The following LPP variants were observed in gnomAD, a reference collection of about 807,000 sequenced individuals.
LPP encodes the protein LIM domain containing preferred translocation partner in lipoma, also known as lipoma-preferred partner.
In LPP, 38 loss-of-function variants were observed where a neutral mutation model predicts 60.4. The observed-to-expected ratio is 0.63, with a 90% CI of 0.49 to 0.83. The LOEUF (loss-of-function observed/expected upper bound fraction) is 0.83, where lower values mean the gene tolerates loss of function less well. LPP is among the 40% of genes least tolerant of loss of function. LPP has a pLI of 0.00. For missense variants in LPP, 902 were observed against 783.6 expected, an observed-to-expected ratio of 1.15 and a Z score of -1.80; for synonymous variants, 328 against 290.8, an observed-to-expected ratio of 1.13 and a Z score of -1.30.
At chr3:188,303,022 C>A (rs1750419088) in intron 2 of LPP, among the ~76,000 whole-genome samples, 1 of 152,116 alleles carries the variant, frequency 6.6e-6, no homozygotes, top group South Asian at 2.1e-4. Context: ...CTGTTTTATT[C>A]TTTAAGCATG....
chr3:188,211,385 G>A (rs989250046), intron 1 of LPP, among the ~76,000 whole-genome samples: 2 of 152,070 alleles, frequency 1.3e-5, no homozygotes, highest in Admixed American at 6.5e-5. Flanking sequence ...GGACTCATCT[G>A]ACCTCCAGAA....
At chr3:188,663,613 A>G (rs1248266060) in intron 7 of LPP, among the ~76,000 whole-genome samples, 1 of 152,170 alleles carries the variant, frequency 6.6e-6, no homozygotes, top group East Asian at 1.9e-4. Context: ...ATGCTGTGTT[A>G]CCATCTTCTG....
At chr3:188,174,701 G>A (rs1722568456) in intron 1 of LPP, among the ~76,000 whole-genome samples, 2 of 152,196 alleles carry the variant, frequency 1.3e-5, no homozygotes, top group African/African-American at 2.4e-5. Flanking sequence ...CCTCACTCTT[G>A]TCTTTGTTGC....
At chr3:188,433,012 A>G (rs1791330335) in intron 4 of LPP, among the ~76,000 whole-genome samples, 1 of 152,198 alleles carries the variant, frequency 6.6e-6, no homozygotes, top group Admixed American at 6.5e-5. Flanking sequence ...TATGTACACC[A>G]GAAAAACGAG....
intron 6 of LPP, among the ~76,000 whole-genome samples, chr3:188,534,713 T>C (rs1303430987): frequency 2.0e-5 from 3 of 152,252 alleles, no homozygotes; most frequent in African/African-American, 7.2e-5. Flanking sequence ...GTCATTGTTT[T>C]GTCCATTTTG....
intron 7 of LPP, among the ~76,000 whole-genome samples, chr3:188,676,806 G>A (rs1858215723): frequency 6.6e-6 from 1 of 152,128 alleles, no homozygotes; most frequent in Non-Finnish European, 1.5e-5. Context: ...GTGTGGGAGG[G>A]ACCTATGATT....
chr3:188,353,394 A>C (rs868063467), intron 3 of LPP, among the ~76,000 whole-genome samples: 37 of 152,290 alleles, frequency 2.4e-4, no homozygotes, highest in Middle Eastern at 3.4e-3. Context: ...TTGTGGAAAA[A>C]TGTTCTCACC....
At chr3:188,518,052 C>T (rs1208023415) in intron 5 of LPP, among the ~76,000 whole-genome samples, 1 of 152,114 alleles carries the variant, frequency 6.6e-6, no homozygotes, top group African/African-American at 2.4e-5. Flanking sequence ...TTCTGAGGCC[C>T]TCACCAGAAG....
chr3:188,885,498 A>G lies in LPP; in HGVS notation c.*11019A>G, dbSNP rs1048869810. On this transcript the variant is annotated 3_prime_UTR_variant, in exon 12 of 12. Transcript: ENST00000617246. ...CAGACTAGAAAAGTGCCTCACCTCC[A>G]TGGTGTATATGTGCCACCTTTTCTT... 2.2e-5 allele frequency: 4 copies of G among 182,534 alleles called. No homozygotes were observed. Among genetic ancestry groups the G allele is most frequent in the African/African-American group, 9.4e-5 (4 of 42,464 alleles). 11.3% of individuals were successfully genotyped at this position (182,534 alleles called of 1,614,324 possible). A position where few individuals can be genotyped will look rare whatever the true frequency, so the allele number is the denominator to read the frequency against.
chr3:188,379,698 A>G (rs1021881918), intron 3 of LPP, among the ~76,000 whole-genome samples: 1 of 152,158 alleles, frequency 6.6e-6, no homozygotes, highest in African/African-American at 2.4e-5. Flanking sequence ...ATCATACAAT[A>G]TGTAGTCTTT....
intron 9 of LPP, among the ~76,000 whole-genome samples, chr3:188,829,482 T>C (rs1452308576): frequency 1.3e-5 from 2 of 152,134 alleles, no homozygotes; most frequent in Non-Finnish European, 2.9e-5. Flanking sequence ...GTCATAATAC[T>C]CTTATACAAA....
At chr3:188,379,605 C>T (rs1016835927) in intron 3 of LPP, among the ~76,000 whole-genome samples, 4 of 152,284 alleles carry the variant, frequency 2.6e-5, no homozygotes, top group East Asian at 1.9e-4. Flanking sequence ...TAAGCAACCA[C>T]GAATCTACTT....
At chr3:188,523,231 C>A (rs1819512280) in intron 5 of LPP, among the ~76,000 whole-genome samples, 1 of 152,022 alleles carries the variant, frequency 6.6e-6, no homozygotes, top group African/African-American at 2.4e-5. Flanking sequence ...AAAGAGGGCT[C>A]ACAAACAAGG....
chr3:188,606,371 T>C (rs2151300330), intron 6 of LPP, among the ~76,000 whole-genome samples: 1 of 152,320 alleles, frequency 6.6e-6, no homozygotes, highest in South Asian at 2.1e-4. Context: ...GTCTCAAATA[T>C]AGTTTCCTAG....
At chr3:188,616,701 T>C (rs1043538492) in intron 7 of LPP, among the ~76,000 whole-genome samples, 3 of 152,212 alleles carry the variant, frequency 2.0e-5, no homozygotes, top group African/African-American at 7.2e-5. Flanking sequence ...AAAGAGCCGA[T>C]ACGTTAACAA....
chr3:188,177,483 C>T (rs1371239849), intron 1 of LPP, among the ~76,000 whole-genome samples: 2 of 151,966 alleles, frequency 1.3e-5, no homozygotes, highest in African/African-American at 4.8e-5. Flanking sequence ...TTGATTTCTG[C>T]CTTTATTTAG....
chr3:188,873,549 G>A (rs748463941), intron 11 of LPP, among the ~76,000 whole-genome samples: 1 of 151,960 alleles, frequency 6.6e-6, no homozygotes, highest in Non-Finnish European at 1.5e-5. Context: ...AGCTGTCAGC[G>A]GTAGTATATT....
chr3:188,306,905 A>T (rs1751716466), intron 2 of LPP, among the ~76,000 whole-genome samples: 1 of 152,242 alleles, frequency 6.6e-6, no homozygotes, highest in African/African-American at 2.4e-5. Flanking sequence ...CAGTAGCATC[A>T]ACTTTGGCTC....
chr3:188,443,555 G>A (rs1307546911), intron 4 of LPP, among the ~76,000 whole-genome samples: 2 of 152,232 alleles, frequency 1.3e-5, no homozygotes, highest in Admixed American at 6.5e-5. Context: ...ATGAAGGACT[G>A]TTATGATCTC....
Sources: allele counts gnomAD v4.1 joint callset (sites outside exome capture counted in the v4.1 genomes callset), GRCh38; gene constraint gnomAD v4.1.1; transcripts MANE v1.5; gene names NCBI Gene and HGNC (gene_info 2026-07-23, HGNC 2026-07-21).